Variants in ADAMTS7 observed in about 807,000 individuals in gnomAD.
ADAMTS7 encodes A disintegrin and metalloproteinase with thrombospondin motifs 7.
A neutral mutation model predicts 172.6 loss-of-function variants in ADAMTS7; 89 were observed. The ratio of observed to expected loss-of-function variants is 0.52; its 90% CI spans 0.43 to 0.61. The LOEUF is 0.61. Among genes scored for constraint, ADAMTS7 ranks in the 20% least tolerant of loss-of-function variants. The pLI is 0.00. For synonymous variants in ADAMTS7, 885 were observed against 978.4 expected, an observed-to-expected ratio of 0.90 and a Z score of 1.78; for missense variants, 1,973 against 2,355.6, an observed-to-expected ratio of 0.84 and a Z score of 3.36.
chr15:78,796,849 G>A, intron 3 of ADAMTS7, 63 bp from the exon 4 acceptor site: 1 of 1,451,738 alleles, frequency 6.9e-7, no homozygotes, highest in South Asian at 1.3e-5. Flanking sequence ...ACGTCTCCAG[G>A]GCCTCTCCTC....
chr15:78,800,669 C>G (rs2141523339), intron 1 of ADAMTS7, 122 bp from the exon 2 acceptor site: 2 of 862,754 alleles, frequency 2.3e-6, no homozygotes, highest in East Asian at 5.3e-5. Context: ...GGATTCAAAT[C>G]CTCGCCGGGC....
chr15:78,776,768 G>C lies in ADAMTS7; in HGVS notation c.1541C>G (p.Thr514Ser), dbSNP rs990473962. Reference protein sequence around the residue: ...HSKLDAAVDGTRCGENKWCLS... With the variant: ...HSKLDAAVDGSRCGENKWCLS... ...CCCTACCTTATTCTCCCCACACCGG[G>C]TGCCGTCCACAGCTGCATCCAGCTT... Residue 514 changes from threonine (T) to serine (S), a missense_variant, in exon 10 of 24, where the codon ACC (threonine) becomes AGC (serine). Transcript: ENST00000388820. 6.4e-7 allele frequency: 1 copy of C among 1,551,018 alleles called. No individual in the cohort carries two copies. The highest frequency in any genetic ancestry group is 8.7e-7 in the Non-Finnish European group (1 of 1,146,306).
intron 8 of ADAMTS7, among the ~76,000 whole-genome samples, chr15:78,785,277 G>A (rs1014723904): frequency 2.0e-5 from 3 of 152,142 alleles, no homozygotes; most frequent in East Asian, 1.9e-4. Flanking sequence ...TAGATGGGGC[G>A]CAGTGGCTCT....
intron 1 of ADAMTS7, among the ~76,000 whole-genome samples, chr15:78,803,864 G>A (rs1381557071): frequency 2.6e-5 from 4 of 152,244 alleles, no homozygotes; most frequent in Non-Finnish European, 5.9e-5. Flanking sequence ...CAAAACCACA[G>A]GTGCTGCTGG....
rs777844477 is a variant in ADAMTS7, at chr15:78,764,592, C to T, written c.4382G>A (p.Arg1461Gln). The change falls in exon 20 of 24, where the codon CGG becomes CAG. Residue 1461 changes from arginine (R) to glutamine (Q), a missense_variant. Arg to Gln is a conservative substitution (Grantham distance 43). Around this residue, in one of 8 missense-constraint regions of ADAMTS7, gnomAD observed 218 missense variants for 216.9 expected, o/e 1.01. Transcript: ENST00000388820. Reference sequence around the variant, plus strand: ...GCCTGAGTGCCAGGTGGCACAGGGCCGCAGGTGGCAGCGGCGGGCAGGCTG... The same window carrying T: ...GCCTGAGTGCCAGGTGGCACAGGGCTGCAGGTGGCAGCGGCGGGCAGGCTG... ...RPQPARRCHLRPCATWHSGNW... is the reference protein window; with the variant it reads ...RPQPARRCHLQPCATWHSGNW... 59 of 1,560,106 alleles carry T rather than the reference C, an allele frequency of 3.8e-5. No individual in the cohort carries two copies. Among genetic ancestry groups the T allele is most frequent in the Non-Finnish European group, 4.3e-5 (50 of 1,161,100 alleles).
At position 78,763,874 on chromosome 15, in the gene ADAMTS7, C is replaced by T. The variant is rs763145560; in HGVS notation, c.4594-29G>A. ...GGTGGGCAGGGAAGGAGTCAGGGCA[C>T]AGCCAGGGTCTGAGGGCGTCCCCTC... On this transcript the variant is annotated intron_variant, in intron 21 of 23. Transcript: ENST00000388820. The T allele has an allele frequency of 8.9e-6, 14 of 1,575,228 alleles. No homozygotes were observed. In the South Asian group the frequency reaches 1.6e-4, roughly 18 times the overall value.
intron 9 of ADAMTS7, 50 bp downstream of exon 9, chr15:78,777,394 G>A: frequency 1.9e-6 from 3 of 1,586,170 alleles, no homozygotes; most frequent in African/African-American, 1.3e-5. Flanking sequence ...TGCCCCCTGA[G>A]CCCTCCTGCC....
chr15:78,785,813 G>A (rs1262188939), intron 8 of ADAMTS7, among the ~76,000 whole-genome samples: 1 of 152,050 alleles, frequency 6.6e-6, no homozygotes, highest in Non-Finnish European at 1.5e-5. Flanking sequence ...AAATAGGAAA[G>A]TAAATACAAG....
At chr15:78,802,104 T>C (rs1251915810) in intron 1 of ADAMTS7, among the ~76,000 whole-genome samples, 1 of 152,208 alleles carries the variant, frequency 6.6e-6, no homozygotes. Context: ...CCTAAATTGT[T>C]GGGATTACAG....
chr15:78,761,517 G>A (rs1378742109), intron 23 of ADAMTS7, among the ~76,000 whole-genome samples: 1 of 152,222 alleles, frequency 6.6e-6, no homozygotes, highest in Non-Finnish European at 1.5e-5. Flanking sequence ...GGATCCCCAC[G>A]CAGTGCTGCG....
chr15:78,780,205 C>A (rs920898268), intron 8 of ADAMTS7, among the ~76,000 whole-genome samples: 16 of 149,076 alleles, frequency 1.1e-4, no homozygotes, highest in African/African-American at 4.0e-4. Context: ...ACCCGGATCC[C>A]CAAACCCGTC....
At chr15:78,780,937 T>C (rs1015245962) in intron 8 of ADAMTS7, among the ~76,000 whole-genome samples, 36 of 152,096 alleles carry the variant, frequency 2.4e-4, no homozygotes, top group African/African-American at 8.0e-4. Flanking sequence ...CATCTCCCCA[T>C]GGTGTGAGGG....
chr15:78,795,920 T>C (rs2055637223), intron 4 of ADAMTS7, among the ~76,000 whole-genome samples: 1 of 152,198 alleles, frequency 6.6e-6, no homozygotes, highest in African/African-American at 2.4e-5. Flanking sequence ...TGAGCTCCCA[T>C]CTGGCTCTGC....
rs138238026 is a variant in ADAMTS7 at position 78,770,703 on chromosome 15, C to T, written c.2518+459G>A. 4,279 of 140,666 alleles carry T rather than the reference C, an allele frequency of 0.03. 590 individuals are homozygous for T. In the East Asian group the frequency reaches 0.35, roughly 12 times the overall value. The allele number at this position is 140,666 out of a possible 1,614,324, so 8.7% of individuals were successfully genotyped here. A position where few individuals can be genotyped will look rare whatever the true frequency, so the allele number is the denominator to read the frequency against. ...GGAGACTGAGGAGTATGGGAGGAGA[C>T]AGAGGGCCAGAGGGGAGACTGAGGA... On this transcript the variant is annotated intron_variant, in intron 16 of 23. Coordinates refer to ENST00000388820, the MANE Select transcript of ADAMTS7 (RefSeq NM_014272.5).
chr15:78,767,657 G>A (rs2055179083), intron 17 of ADAMTS7, 65 bp from the exon 18 acceptor site: 1 of 1,423,314 alleles, frequency 7.0e-7, no homozygotes, highest in Non-Finnish European at 9.4e-7. Flanking sequence ...CTCACCAGCA[G>A]GGGGGGCCAG....
intron 8 of ADAMTS7, among the ~76,000 whole-genome samples, chr15:78,782,993 G>A (rs10163145): frequency 0.36 from 53,507 of 149,186 alleles, 9,906 homozygotes; most frequent in Middle Eastern, 0.47. Flanking sequence ...AAAAGGGGAC[G>A]AGCAAAATCT....
In ADAMTS7 at chr15:78,762,578, G is replaced by C; in HGVS notation, c.4741-13C>G. 6.9e-7 allele frequency: 1 copy of C among 1,441,028 alleles called. No homozygotes were observed. Among genetic ancestry groups the C allele is most frequent in the Non-Finnish European group, 9.3e-7 (1 of 1,080,120 alleles). The allele number at this position is 1,441,028 out of a possible 1,614,324, so 89.3% of individuals were successfully genotyped here. A position where few individuals can be genotyped will look rare whatever the true frequency, so the allele number is the denominator to read the frequency against. ...AGGGGCCTGAGCACTGAGGGGAGCG[G>C]GGGAGGAATGAGTGTCTCCAGGGCC... On this transcript the variant is annotated splice_polypyrimidine_tract_variant and intron_variant, in intron 22 of 23. Coordinates refer to ENST00000388820, the MANE Select transcript of ADAMTS7 (RefSeq NM_014272.5).
At chr15:78,778,276 G>A (rs936845896) in intron 8 of ADAMTS7, among the ~76,000 whole-genome samples, 1 of 152,240 alleles carries the variant, frequency 6.6e-6, no homozygotes, top group East Asian at 1.9e-4. Flanking sequence ...GTGTGGTGAA[G>A]ACAAGGCTGC....
intron 4 of ADAMTS7, among the ~76,000 whole-genome samples, chr15:78,792,163 C>T (rs934284628): frequency 3.3e-5 from 5 of 152,168 alleles, no homozygotes; most frequent in African/African-American, 1.2e-4. Context: ...CTCTCAGAAC[C>T]CAAGGTCAGA....
Sources: allele counts gnomAD v4.1 joint callset (sites outside exome capture counted in the v4.1 genomes callset), GRCh38; gene constraint gnomAD v4.1.1; regional missense constraint gnomAD v4.1.1; transcripts MANE v1.5; gene names NCBI Gene and HGNC (gene_info 2026-07-23, HGNC 2026-07-21).